The following TACR3 variants were observed in gnomAD, a reference collection of about 807,000 sequenced individuals.
The protein encoded by TACR3 is neuromedin-K receptor.
A neutral mutation model predicts 35.0 loss-of-function variants in TACR3; 34 were observed. The observed-to-expected ratio is 0.97, with a 90% confidence interval of 0.74 to 1.30. The LOEUF is 1.30. TACR3 is among the 50% of genes most tolerant of loss of function. The pLI is 0.00. For synonymous variants in TACR3, 233 were observed against 221.1 expected (o/e 1.05, Z -0.48); for missense variants, 558 against 591.7 (o/e 0.94, Z 0.59).
At chr4:103,610,155 T>C (rs537804808) in intron 3 of TACR3, among the ~76,000 whole-genome samples, 3 of 152,172 alleles carry the variant, frequency 2.0e-5, no homozygotes, top group East Asian at 1.9e-4. Context: ...TGCTGGACTA[T>C]GTGGTAGTTC....
At chr4:103,641,604 G>A (rs1725357773) in intron 3 of TACR3, among the ~76,000 whole-genome samples, 1 of 151,886 alleles carries the variant, frequency 6.6e-6, no homozygotes, top group African/African-American at 2.4e-5. Flanking sequence ...AGTATTATCT[G>A]ATTCAGCAAT....
intron 1 of TACR3, among the ~76,000 whole-genome samples, chr4:103,695,322 C>A (rs570508329): frequency 2.0e-5 from 3 of 152,098 alleles, no homozygotes; most frequent in Non-Finnish European, 2.9e-5. Context: ...TCCACCTCCT[C>A]CACTTCACCC....
At chr4:103,614,637 G>A (rs888570025) in intron 3 of TACR3, among the ~76,000 whole-genome samples, 2 of 152,090 alleles carry the variant, frequency 1.3e-5, no homozygotes, top group African/African-American at 2.4e-5. Context: ...TGTTCAGAAA[G>A]ATTAAGTAAT....
At chr4:103,713,616 T>TATA (rs551054276) in intron 1 of TACR3, among the ~76,000 whole-genome samples, 30 of 150,398 alleles carry the variant, frequency 2.0e-4, no homozygotes, top group Non-Finnish European at 3.4e-4. Context: ...GAACTTAAAG[T>TATA]ATAATAATAA....
intron 1 of TACR3, among the ~76,000 whole-genome samples, chr4:103,685,158 G>T (rs1262066975): frequency 6.6e-6 from 1 of 151,964 alleles, no homozygotes; most frequent in Non-Finnish European, 1.5e-5. Flanking sequence ...GTATGGATTT[G>T]GTAAAGACAT....
At chr4:103,601,630 C>A (rs1390544807) in intron 3 of TACR3, among the ~76,000 whole-genome samples, 5 of 152,132 alleles carry the variant, frequency 3.3e-5, no homozygotes, top group African/African-American at 1.2e-4. Flanking sequence ...GATATTATTT[C>A]TCCTTCACTT....
At chr4:103,670,241 A>G (rs1726027368) in intron 1 of TACR3, among the ~76,000 whole-genome samples, 1 of 152,102 alleles carries the variant, frequency 6.6e-6, no homozygotes, top group Non-Finnish European at 1.5e-5. Flanking sequence ...ATAAATTTGC[A>G]GTATAACTTG....
chr4:103,658,145 T>C, intron 2 of TACR3, 70 bp downstream of exon 2: 2 of 1,449,228 alleles, frequency 1.4e-6, no homozygotes, highest in Non-Finnish European at 1.9e-6. Flanking sequence ...ATTTAATTGT[T>C]GCTCCTAATC....
At chr4:103,612,687 T>A (rs768353097) in intron 3 of TACR3, among the ~76,000 whole-genome samples, 4 of 152,086 alleles carry the variant, frequency 2.6e-5, no homozygotes, top group Admixed American at 2.0e-4. Context: ...TTTGTGTTTT[T>A]TAGTAGAGAT....
chr4:103,611,322 T>G (rs1475826133), intron 3 of TACR3, among the ~76,000 whole-genome samples: 1 of 152,206 alleles, frequency 6.6e-6, no homozygotes, highest in Non-Finnish European at 1.5e-5. Context: ...TAGTTTTTAT[T>G]GTAGAGATCT....
intron 1 of TACR3, among the ~76,000 whole-genome samples, chr4:103,672,070 C>A (rs1726067566): frequency 6.6e-6 from 1 of 151,944 alleles, no homozygotes; most frequent in South Asian, 2.1e-4. Context: ...TTAAATAAAC[C>A]ACTTTCTTTG....
chr4:103,681,836 C>T (rs941605393), intron 1 of TACR3, among the ~76,000 whole-genome samples: 2 of 151,738 alleles, frequency 1.3e-5, no homozygotes, highest in Admixed American at 1.3e-4. Context: ...TAGGCATTTA[C>T]CAAGATGACC....
intron 1 of TACR3, among the ~76,000 whole-genome samples, chr4:103,677,300 G>T (rs1380896870): frequency 1.4e-5 from 2 of 147,054 alleles, no homozygotes; most frequent in Admixed American, 1.4e-4. Context: ...AGACGGTGTG[G>T]TGATTCCTCA....
In TACR3 at chr4:103,589,617, G is replaced by C. The variant is rs201875235; in HGVS notation, c.*65C>G. The C allele has an allele frequency of 3.1e-6, 5 of 1,588,390 alleles. No individual in the cohort carries two copies. In the Admixed American group the frequency reaches 6.7e-5, roughly 21 times the overall value. ...TATATAGGACAGGACTGGTAAATAG[G>C]AGAATGGGGTCCTAGACTGGCACCA... On this transcript the variant is annotated 3_prime_UTR_variant, in exon 5 of 5. Transcript: ENST00000304883.
chr4:103,685,220 C>T (rs1395035232), intron 1 of TACR3, among the ~76,000 whole-genome samples: 2 of 151,754 alleles, frequency 1.3e-5, no homozygotes, highest in Non-Finnish European at 2.9e-5. Flanking sequence ...ATAAACGTGG[C>T]CCACTGATTT....
chr4:103,681,441 A>C (rs565855274), intron 1 of TACR3, among the ~76,000 whole-genome samples: 1 of 152,210 alleles, frequency 6.6e-6, no homozygotes, highest in South Asian at 2.1e-4. Flanking sequence ...AATGGACCTT[A>C]TATAACGGCA....
At chr4:103,650,454 TATA>T (rs1020467844) in intron 3 of TACR3, among the ~76,000 whole-genome samples, 5 of 95,542 alleles carry the variant, frequency 5.2e-5, no homozygotes, top group Non-Finnish European at 8.2e-5. Flanking sequence ...GAACTTAAAG[TATA>T]ATAATATATT....
chr4:103,631,176 G>T (rs530000766), intron 3 of TACR3, among the ~76,000 whole-genome samples: 1 of 152,030 alleles, frequency 6.6e-6, no homozygotes, highest in Admixed American at 6.6e-5. Context: ...GGGGCCTGTC[G>T]GGGTGTGGGT....
rs573659772 is a variant in TACR3, at chr4:103,626,458, G to A, written c.888+29736C>T. On this transcript the variant is annotated intron_variant, in intron 3 of 4. Transcript: ENST00000304883. Reference sequence around the variant, plus strand: ...GAATTTTTGTGTTTAGGAAAAAGACGTATAGCTGGTGTAACCAGCTAAGGG... The same window carrying A: ...GAATTTTTGTGTTTAGGAAAAAGACATATAGCTGGTGTAACCAGCTAAGGG... Among the ~76,000 whole-genome samples the A allele has an allele frequency of 1.5e-4, 23 of 152,146 alleles. No homozygotes were observed. In the South Asian group the frequency reaches 3.5e-3, roughly 23 times the overall value.
Sources: gnomAD v4.1 joint callset for allele counts (sites outside exome capture counted in the v4.1 genomes callset) on GRCh38, gnomAD v4.1.1 for gene constraint, MANE v1.5 for transcripts, NCBI Gene and HGNC (gene_info 2026-07-23, HGNC 2026-07-21) for gene names.